AVEN: variants seen among roughly 807,000 people sequenced by gnomAD.
AVEN encodes cell death regulator Aven.
Under a neutral mutation model 38.1 loss-of-function variants are expected in AVEN, and 41 were observed. The ratio of observed to expected loss-of-function variants is 1.08; its 90% CI spans 0.84 to 1.40. The LOEUF is 1.40. Ranked by LOEUF, AVEN falls within the 40% of genes most tolerant of loss-of-function variation. AVEN has a pLI of 0.00. For missense variants in AVEN, 605 were observed against 438.8 expected (o/e 1.38, Z -3.38); for synonymous variants, 206 against 171.8 (o/e 1.20, Z -1.56).
chr15:33,865,004 G>A (rs949197184), downstream of AVEN: 2 of 644,810 alleles, frequency 3.1e-6, no homozygotes, highest in Admixed American at 2.7e-5. Flanking sequence ...AAGAATGAAT[G>A]TGCAGGTTTG....
chr15:33,944,808 C>T (rs1467343662), intron 2 of AVEN, among the ~76,000 whole-genome samples: 1 of 146,312 alleles, frequency 6.8e-6, no homozygotes, highest in African/African-American at 2.5e-5. Context: ...GACTCAGTCT[C>T]GAAAAAAAAA....
chr15:34,016,272 A>C (rs1052581275), intron 1 of AVEN, among the ~76,000 whole-genome samples: 5 of 152,188 alleles, frequency 3.3e-5, no homozygotes, highest in African/African-American at 9.6e-5. Context: ...AAAGCAACTT[A>C]TCTCTCCTAG....
At chr15:34,013,647 A>G (rs1396519610) in intron 1 of AVEN, among the ~76,000 whole-genome samples, 4 of 152,246 alleles carry the variant, frequency 2.6e-5, no homozygotes, top group Non-Finnish European at 4.4e-5. Flanking sequence ...GTGCTGTGGG[A>G]AACACGGAGA....
chr15:33,863,481 C>T (rs1031605001), downstream of AVEN, among the ~76,000 whole-genome samples: 2 of 152,066 alleles, frequency 1.3e-5, no homozygotes, highest in African/African-American at 4.8e-5. Context: ...AATCCTTTTC[C>T]GGAAGGGCAA....
At chr15:33,879,036 T>C (rs1479919819) in intron 2 of AVEN, among the ~76,000 whole-genome samples, 1 of 152,170 alleles carries the variant, frequency 6.6e-6, no homozygotes, top group Non-Finnish European at 1.5e-5. Flanking sequence ...TTATTTTTAA[T>C]ATCTGAATGT....
chr15:33,999,860 T>C lies in AVEN; in HGVS notation c.445+3172A>G, dbSNP rs539180053. On this transcript the variant is annotated intron_variant, in intron 2 of 5. Transcript: ENST00000306730. ...TGATCCTGTTAACACAGGAGTGTTA[T>C]ATCACTCTTCTCTTCAAACCCTCCG... Among the ~76,000 whole-genome samples, 23 of 152,344 alleles carry C rather than the reference T, an allele frequency of 1.5e-4. No homozygotes were observed. In the South Asian group the frequency reaches 4.8e-3, roughly 32 times the overall value.
chr15:33,895,424 C>T (rs1326317702), intron 2 of AVEN, among the ~76,000 whole-genome samples: 1 of 151,866 alleles, frequency 6.6e-6, no homozygotes, highest in Non-Finnish European at 1.5e-5. Context: ...CTCCCAGGCT[C>T]AAGTAATCCT....
intron 2 of AVEN, among the ~76,000 whole-genome samples, chr15:33,992,285 G>T (rs1896757107): frequency 6.6e-6 from 1 of 152,166 alleles, no homozygotes; most frequent in African/African-American, 2.4e-5. Flanking sequence ...AGCTACTCGG[G>T]AGGCTGAGGG....
At position 34,012,700 on chromosome 15, in the gene AVEN, G is replaced by A. The variant is rs539186322; in HGVS notation, c.268-9491C>T. On this transcript the variant is annotated intron_variant, in intron 1 of 5. Transcript: ENST00000306730. ...CAGACCATTAAATAGCTGTCTTCTG[G>A]CCCACTTGAAGATATTTTCCAAACT... Among the ~76,000 whole-genome samples, 12 of 152,044 alleles carry A rather than the reference G, an allele frequency of 7.9e-5. No individual in the cohort carries two copies. In the South Asian group the frequency reaches 2.3e-3, roughly 29 times the overall value.
intron 2 of AVEN, among the ~76,000 whole-genome samples, chr15:33,978,392 G>A (rs1895984854): frequency 6.6e-6 from 1 of 152,180 alleles, no homozygotes; most frequent in African/African-American, 2.4e-5. Context: ...GGCCGGGCAC[G>A]ATGGCTCACG....
chr15:33,861,051 G>C (rs1387704604), intron 11 of AVEN: 1 of 1,495,646 alleles, frequency 6.7e-7, no homozygotes, highest in East Asian at 2.4e-5. Context: ...GCCAACAAAT[G>C]CCTTTTCTGC....
chr15:34,045,225 C>G (rs1899642405), intron 5 of AVEN, among the ~76,000 whole-genome samples: 1 of 152,184 alleles, frequency 6.6e-6, no homozygotes, highest in Non-Finnish European at 1.5e-5. Context: ...ATATGCCCCA[C>G]AGCAGCTGGC....
chr15:33,878,541 A>G (rs1167435360), intron 2 of AVEN, among the ~76,000 whole-genome samples: 1 of 152,212 alleles, frequency 6.6e-6, no homozygotes, highest in Non-Finnish European at 1.5e-5. Flanking sequence ...AAAGGAAATC[A>G]TAACACTATT....
downstream of AVEN, among the ~76,000 whole-genome samples, chr15:33,857,294 C>T (rs539196586): frequency 3.3e-5 from 5 of 152,208 alleles, no homozygotes; most frequent in South Asian, 6.2e-4. Context: ...TGGCTGTAGA[C>T]AGCACCCTCT....
At chr15:33,893,747 G>A (rs1466439800) in intron 2 of AVEN, among the ~76,000 whole-genome samples, 1 of 152,182 alleles carries the variant, frequency 6.6e-6, no homozygotes, top group African/African-American at 2.4e-5. Context: ...AGAAAGGGGT[G>A]TGCACTCTCT....
At chr15:33,942,558 C>G (rs34494060) in intron 2 of AVEN, among the ~76,000 whole-genome samples, 1 of 152,052 alleles carries the variant, frequency 6.6e-6, no homozygotes, top group Admixed American at 6.5e-5. Flanking sequence ...TCACGCCATT[C>G]TCCTGCCTCA....
chr15:33,866,671 G>C lies in AVEN; in HGVS notation c.1031C>G (p.Thr344Ser). ...EKNMEPEQPS[T>S]SKNVTEEELE... The stretch of plus-strand genomic sequence containing the variant: ...CTCTTCCTCGGTAACATTTTTGGAG[G>C]TACTTGGTTGCTCAGGTTCCATGTT... The change falls in exon 6 of 6, where the codon ACC (threonine) becomes AGC (serine). Residue 344 changes from threonine (T) to serine (S), a missense_variant. Coordinates refer to ENST00000306730, the MANE Select transcript of AVEN (RefSeq NM_020371.3). 1 of 1,614,020 alleles carries C rather than the reference G, an allele frequency of 6.2e-7. No individual in the cohort carries two copies. The highest frequency in any genetic ancestry group is 8.5e-7 in the Non-Finnish European group (1 of 1,179,942).
intron 11 of AVEN, chr15:33,860,495 AC>A: frequency 1.6e-6 from 1 of 642,552 alleles, no homozygotes; most frequent in Non-Finnish European, 2.5e-6. Context: ...TTGATAATTC[AC>A]TTTTTTTTTT....
intron 4 of AVEN, chr15:34,064,723 C>A: frequency 9.7e-6 from 2 of 207,106 alleles, no homozygotes; most frequent in South Asian, 1.1e-4. Flanking sequence ...ATGTATGTGT[C>A]TATGAAGCTG....
Sources: gnomAD v4.1 joint callset for allele counts (sites outside exome capture counted in the v4.1 genomes callset) on GRCh38, gnomAD v4.1.1 for gene constraint, MANE v1.5 for transcripts, NCBI Gene and HGNC (gene_info 2026-07-23, HGNC 2026-07-21) for gene names.